ABCA13: variants seen among roughly 807,000 people sequenced by gnomAD.
The protein encoded by ABCA13 is ATP binding cassette subfamily A member 13, also known as ATP-binding cassette sub-family A member 13.
A neutral mutation model predicts 478.7 loss-of-function variants in ABCA13; 476 were observed. That is an observed-to-expected ratio of 0.99 (90% CI 0.92 to 1.07). The LOEUF (loss-of-function observed/expected upper bound fraction) is 1.07, where lower values mean the gene tolerates loss of function less well. Ranked by LOEUF, ABCA13 falls within the 50% of genes least tolerant of loss-of-function variation. ABCA13 has a pLI of 0.00. For synonymous variants in ABCA13, 2,252 were observed against 2,158.9 expected (o/e 1.04, Z -1.20); for missense variants, 6,060 against 5,910.6 (o/e 1.03, Z -0.83).
chr7:48,460,375 C>T (rs975780387), intron 43 of ABCA13, among the ~76,000 whole-genome samples: 36 of 152,216 alleles, frequency 2.4e-4, no homozygotes, highest in African/African-American at 8.4e-4. Flanking sequence ...GGGGAGAATC[C>T]TTCCTTGTGT....
At position 48,267,468 on chromosome 7, in the gene ABCA13, G is replaced by C. The variant is rs985647273; in HGVS notation, c.2006-1512G>C. 2.2e-4 allele frequency among the ~76,000 whole-genome samples: 33 copies of C among 152,050 alleles called. 2 individuals are homozygous for C. The highest frequency in any genetic ancestry group is 7.5e-4 in the African/African-American group (31 of 41,418). ...TAGCTTTCTTTTGATTAGTGTTAGA[G>C]TGGTATGCCTTTTCCATCCTTTTAC... On this transcript the variant is annotated intron_variant, in intron 15 of 61. Transcript: ENST00000435803.
At chr7:48,515,883 G>A (rs538032592) in intron 51 of ABCA13, among the ~76,000 whole-genome samples, 1 of 152,208 alleles carries the variant, frequency 6.6e-6, no homozygotes, top group Non-Finnish European at 1.5e-5. Context: ...CTGATGAGAA[G>A]CAGAGCAGAG....
chr7:48,274,676 TAAG>T lies in ABCA13; in HGVS notation c.5014_5016del (p.Lys1672del), dbSNP rs1796062442. 6.2e-7 allele frequency: 1 copy of T among 1,613,862 alleles called. No homozygotes were observed. The highest frequency in any genetic ancestry group is 1.3e-5 in the African/African-American group (1 of 74,926). The stretch of plus-strand genomic sequence containing the variant: ...AGGTAACTTCTGTCATGCGTACCCT[TAAG>T]AAGGCAGACATAGACCTTTTAGTGG... On this transcript the variant is annotated inframe_deletion, in exon 17 of 62. Coordinates refer to ENST00000435803, the MANE Select transcript of ABCA13 (RefSeq NM_152701.5).
In ABCA13 at chr7:48,588,884, G is replaced by C. The variant is rs184063106; in HGVS notation, c.14640+1596G>C. On this transcript the variant is annotated intron_variant, in intron 57 of 61. Coordinates refer to ENST00000435803, the MANE Select transcript of ABCA13 (RefSeq NM_152701.5). ...ACATCAAGGAGGGAATCAGGAAAAC[G>C]TAAATTACACATACAACTCTCATAA... Among the ~76,000 whole-genome samples, 3 of 152,248 alleles carry C rather than the reference G, an allele frequency of 2.0e-5. No homozygotes were observed. The East Asian group carries it at 5.8e-4, about 29-fold the overall frequency.
intron 50 of ABCA13, 133 bp from the exon 51 acceptor site, chr7:48,510,951 G>A (rs750743376): frequency 1.1e-4 from 80 of 707,462 alleles, no homozygotes; most frequent in Non-Finnish European, 1.8e-4. Context: ...CTAATTCCAC[G>A]GCTACAGAAC....
intron 53 of ABCA13, among the ~76,000 whole-genome samples, chr7:48,522,496 T>C (rs922707651): frequency 9.9e-5 from 15 of 152,176 alleles, no homozygotes; most frequent in Admixed American, 7.9e-4. Context: ...ACTGTTCAGA[T>C]ATGAGATATG....
chr7:48,570,438 C>A (rs1369749985), intron 55 of ABCA13, among the ~76,000 whole-genome samples: 1 of 150,042 alleles, frequency 6.7e-6, no homozygotes, highest in Non-Finnish European at 1.5e-5. Context: ...CATTCTCCTG[C>A]CTCAGCCTCC....
intron 13 of ABCA13, among the ~76,000 whole-genome samples, chr7:48,247,011 G>T (rs1791799679): frequency 6.6e-6 from 1 of 152,140 alleles, no homozygotes; most frequent in Admixed American, 6.5e-5. Context: ...TAGGTGGGCA[G>T]ATCGTTTGAG....
rs57805555 is a variant in ABCA13, at chr7:48,321,482, C to T, written c.9999+4186C>T. Among the ~76,000 whole-genome samples the T allele has an allele frequency of 8.8e-3, 1,334 of 152,308 alleles. 22 individuals carry two copies. Among genetic ancestry groups the T allele is most frequent in the African/African-American group, 0.027 (1,103 of 41,572 alleles). On this transcript the variant is annotated intron_variant, in intron 27 of 61. Transcript: ENST00000435803. The stretch of plus-strand genomic sequence containing the variant: ...GAGCTGCAAGCTGAGGGCCTTGGCC[C>T]TACCCATGTGTCTTGGGGGATAGTC...
intron 53 of ABCA13, among the ~76,000 whole-genome samples, chr7:48,522,044 G>A (rs1832578539): frequency 6.6e-6 from 1 of 152,172 alleles, no homozygotes; most frequent in Non-Finnish European, 1.5e-5. Context: ...ATCCCACAGG[G>A]ATATTTGTTG....
At chr7:48,249,976 C>T (rs570503035) in intron 15 of ABCA13, among the ~76,000 whole-genome samples, 114 of 152,324 alleles carry the variant, frequency 7.5e-4, no homozygotes, top group Non-Finnish European at 1.3e-3. Flanking sequence ...CTACTTCAGA[C>T]GCCAACCCCA....
At chr7:48,308,721 T>A (rs1801286661) in intron 23 of ABCA13, among the ~76,000 whole-genome samples, 1 of 152,024 alleles carries the variant, frequency 6.6e-6, no homozygotes, top group African/African-American at 2.4e-5. Flanking sequence ...GGACCCCATA[T>A]AGGATGGTGG....
chr7:48,342,893 C>T (rs1807459199), intron 29 of ABCA13, among the ~76,000 whole-genome samples: 1 of 152,082 alleles, frequency 6.6e-6, no homozygotes, highest in Non-Finnish European at 1.5e-5. Context: ...TCAGTTGTTG[C>T]ATTTTCCGCT....
At chr7:48,408,529 T>C (rs1196691163) in intron 39 of ABCA13, among the ~76,000 whole-genome samples, 1 of 152,250 alleles carries the variant, frequency 6.6e-6, no homozygotes, top group African/African-American at 2.4e-5. Context: ...TCAAGCTCTA[T>C]TGCTTTTGTG....
rs983274076 is a variant in ABCA13, at chr7:48,364,332, A to G, written c.10689-3462A>G. On this transcript the variant is annotated intron_variant, in intron 31 of 61. Transcript: ENST00000435803. ...TGTTCATATTCATGAGTTACTTGTG[A>G]TAATTGGATACATGTGTACAATGTG... is the stretch of plus-strand genomic sequence containing the variant. Among the ~76,000 whole-genome samples, 7 of 152,152 alleles carry G rather than the reference A, an allele frequency of 4.6e-5. No individual in the cohort carries two copies. The East Asian group carries it at 1.2e-3, about 25-fold the overall frequency.
chr7:48,552,708 AGG>A (rs1386631013), intron 55 of ABCA13, among the ~76,000 whole-genome samples: 2 of 151,294 alleles, frequency 1.3e-5, no homozygotes, highest in Non-Finnish European at 3.0e-5. Flanking sequence ...TTGGTACATA[AGG>A]GTTATATATA....
In ABCA13 at chr7:48,274,930, G is replaced by C; in HGVS notation, c.5264G>C (p.Arg1755Thr). The C allele has an allele frequency of 1.2e-6, 2 of 1,613,846 alleles. No individual in the cohort carries two copies. Among genetic ancestry groups the C allele is most frequent in the Non-Finnish European group, 1.7e-6 (2 of 1,179,762 alleles). The change falls in exon 17 of 62, where the codon AGG (arginine) becomes ACG (threonine). Residue 1755 changes from arginine (R) to threonine (T), a missense_variant. Arg to Thr is a moderately conservative substitution (Grantham distance 71, BLOSUM62 -1). This residue lies in a region of ABCA13 where 4,423 missense variants were observed against 4,309.1 expected (regional missense o/e 1.03). Coordinates refer to ENST00000435803, the MANE Select transcript of ABCA13 (RefSeq NM_152701.5). ...DVYYVLPHAV[R>T]LLQGVPGKNI... ...TACTATGTGCTTCCTCATGCTGTAA[G>C]GCTCCTGCAGGGAGTACCTGGTAAA...
chr7:48,186,507 G>C (rs1400416147), intron 1 of ABCA13, among the ~76,000 whole-genome samples: 1 of 151,970 alleles, frequency 6.6e-6, no homozygotes, highest in Admixed American at 6.6e-5. Context: ...CCATGTCTTA[G>C]TGTAGATTTA....
At chr7:48,322,931 A>G (rs1257646153) in intron 27 of ABCA13, among the ~76,000 whole-genome samples, 1 of 152,166 alleles carries the variant, frequency 6.6e-6, no homozygotes, top group East Asian at 1.9e-4. Context: ...AGAATGCCCT[A>G]TAATGGAATC....
Sources: allele counts gnomAD v4.1 joint callset (sites outside exome capture counted in the v4.1 genomes callset), GRCh38; gene constraint gnomAD v4.1.1; regional missense constraint gnomAD v4.1.1; transcripts MANE v1.5; gene names NCBI Gene and HGNC (gene_info 2026-07-23, HGNC 2026-07-21).